ZNF638: variants seen among roughly 807,000 people sequenced by gnomAD.
The protein encoded by ZNF638 is zinc finger protein 638.
In ZNF638, 46 loss-of-function variants were observed where a neutral mutation model predicts 195.6. That is an observed-to-expected ratio of 0.24 (90% CI 0.19 to 0.30). The LOEUF (loss-of-function observed/expected upper bound fraction) is 0.30. Ranked by LOEUF, ZNF638 falls within the 10% of genes least tolerant of loss-of-function variation. The pLI is 1.00. For missense variants in ZNF638, 2,440 were observed against 2,325.3 expected, an observed-to-expected ratio of 1.05 and a Z score of -1.01; for synonymous variants, 845 against 772.0, an observed-to-expected ratio of 1.09 and a Z score of -1.57.
chr2:71,399,407 A>T, intron 12 of ZNF638, 152 bp from the exon 13 acceptor site: 1 of 598,396 alleles, frequency 1.7e-6, no homozygotes, highest in East Asian at 3.0e-5. Flanking sequence ...TCTTACTGGG[A>T]AAGAGGTACT....
In ZNF638 at chr2:71,364,133, A is replaced by ACAGATC. The variant is rs770051414; in HGVS notation, c.1612_1617dup (p.Arg540_Ser541dup). ...ATTTGCCATCGTTTCATTTCTAGAT[A>ACAGATC]CAGATCCAGATCCAGATCCCGTTCA... On this transcript the variant is annotated inframe_insertion, in exon 5 of 28. Transcript: ENST00000264447. 5 of 1,614,160 alleles carry ACAGATC rather than the reference A, an allele frequency of 3.1e-6. No individual in the cohort carries two copies. In the African/African-American group the frequency reaches 5.3e-5, roughly 17 times the overall value.
chr2:71,339,834 C>G (rs1372216692), intron 1 of ZNF638, among the ~76,000 whole-genome samples: 4 of 152,146 alleles, frequency 2.6e-5, no homozygotes, highest in African/African-American at 7.2e-5. Context: ...TTGGGCTAAC[C>G]TGTTACACTT....
chr2:71,351,353 C>T (rs1039854767), intron 2 of ZNF638, among the ~76,000 whole-genome samples: 8 of 152,182 alleles, frequency 5.3e-5, no homozygotes. Flanking sequence ...AAGAAAGCAG[C>T]ATTCTACCCC....
chr2:71,426,670 T>C lies in ZNF638; in HGVS notation c.4801T>C (p.Leu1601=), dbSNP rs753519428. 48 of 1,614,078 alleles carry C rather than the reference T, an allele frequency of 3.0e-5. No individual in the cohort carries two copies. In the South Asian group the frequency reaches 3.5e-4, roughly 12 times the overall value. The change falls in exon 24 of 28, where the codon TTG becomes CTG. Residue 1601 remains leucine, a synonymous_variant. Transcript: ENST00000264447. ...TGAGGGAGAACTATCTTTTGTGACA[T>C]TGGATGAGATTGGGGAAGAGGAAGA... ...GVEGELSFVT[L]DEIGEEEDAA... is the part of the protein sequence containing the mutation.
chr2:71,399,576 A>G lies in ZNF638; in HGVS notation c.2518A>G (p.Lys840Glu), dbSNP rs141594305. The G allele has an allele frequency of 5.6e-6, 9 of 1,612,294 alleles. No individual in the cohort carries two copies. In the African/African-American group the frequency reaches 9.4e-5, roughly 17 times the overall value. The change falls in exon 13 of 28, where the codon AAG (lysine) becomes GAG (glutamate). Residue 840 changes from lysine to glutamate, a missense_variant. Transcript: ENST00000264447. ...SIKTAKSGGK[K>E]SLEAKKTGNV... ...TTTACAAGCAAAATCTGGTGGAAAG[A>G]AGTCTCTAGAAGCCAAAAAGACTGG...
Position 71,423,808 on chromosome 2 carries a change from C to G in ZNF638, c.4294C>G (p.Leu1432Val), listed in dbSNP as rs2080479442. 8 of 1,613,914 alleles carry G rather than the reference C, an allele frequency of 5.0e-6. No individual in the cohort carries two copies. The highest frequency in any genetic ancestry group is 5.9e-6 in the Non-Finnish European group (7 of 1,180,012). The change falls in exon 22 of 28, where the codon CTT becomes GTT. Residue 1432 changes from leucine (L) to valine (V), a missense_variant. By Grantham distance (32) the Leu-to-Val change is conservative. This residue lies in a region of ZNF638 where 1,883 missense variants were observed against 1,739.1 expected (regional missense o/e 1.08). Transcript: ENST00000264447. ...AGATCAAATAAATGCTGAAAAGAAACTTTCAGCCAAGGAATTTGGTCTGCT... is the reference window on the plus strand; with the variant it reads ...AGATCAAATAAATGCTGAAAAGAAAGTTTCAGCCAAGGAATTTGGTCTGCT... ...PRDQINAEKK[L>V]SAKEFGLLKP... is the part of the protein sequence containing the mutation.
At position 71,355,700 on chromosome 2, in the gene ZNF638, T is replaced by C; in HGVS notation, c.1318-19T>C. The C allele has an allele frequency of 6.5e-7, 1 of 1,538,934 alleles. No individual in the cohort carries two copies. The highest frequency in any genetic ancestry group is 8.9e-7 in the Non-Finnish European group (1 of 1,129,518). On this transcript the variant is annotated intron_variant, in intron 2 of 27. Transcript: ENST00000264447. ...ATGAGGAATATTCTAATTTCAACAC[T>C]TTTCTCCTTTTACAATAGGATTGGA...
intron 10 of ZNF638, among the ~76,000 whole-genome samples, chr2:71,392,623 G>T (rs1204894029): frequency 2.0e-5 from 3 of 152,054 alleles, no homozygotes; most frequent in African/African-American, 7.2e-5. Context: ...ACTGGCTTAT[G>T]GCAGTGATCA....
At chr2:71,333,018 G>C (rs903488143) in intron 1 of ZNF638, 1 of 152,100 alleles carries the variant, frequency 6.6e-6, no homozygotes, top group African/African-American at 2.4e-5. Context: ...TGTTGTGCTT[G>C]CTGGTTCAGA....
intron 13 of ZNF638, 81 bp from the exon 14 acceptor site, chr2:71,400,031 T>C (rs1017401685): frequency 8.5e-7 from 1 of 1,182,406 alleles, no homozygotes; most frequent in African/African-American, 1.6e-5. Flanking sequence ...AATGTCAAAC[T>C]AGCTTAAGTT....
intron 21 of ZNF638, 139 bp downstream of exon 21, chr2:71,418,778 C>A (rs2080358765): frequency 9.7e-6 from 5 of 514,298 alleles, no homozygotes; most frequent in Non-Finnish European, 1.6e-5. Context: ...GGGCTTGTTA[C>A]AGTTTTCTTT....
chr2:71,404,103 A>C, intron 17 of ZNF638, 105 bp downstream of exon 17: 45 of 1,170,828 alleles, frequency 3.8e-5, no homozygotes, highest in Non-Finnish European at 5.1e-5. Context: ...CATTTTTCTC[A>C]CAGACACTGA....
intron 6 of ZNF638, among the ~76,000 whole-genome samples, 189 bp from the exon 7 acceptor site, chr2:71,368,193 A>G (rs1234423319): frequency 6.6e-6 from 1 of 152,208 alleles, no homozygotes; most frequent in East Asian, 1.9e-4. Flanking sequence ...AAATCTTATT[A>G]AAGTGTTAAA....
intron 10 of ZNF638, among the ~76,000 whole-genome samples, chr2:71,385,495 G>T (rs2079618800): frequency 6.6e-6 from 1 of 152,074 alleles, no homozygotes; most frequent in African/African-American, 2.4e-5. Flanking sequence ...TGATAGTCAG[G>T]GTTGGTGGGA....
At chr2:71,355,802 A>T (rs201924518) in intron 3 of ZNF638, 22 bp downstream of exon 3, 9 of 1,446,228 alleles carry the variant, frequency 6.2e-6, no homozygotes, top group Non-Finnish European at 8.6e-6. Context: ...TTTTTCCTTT[A>T]TTATAGATAG....
intron 7 of ZNF638, among the ~76,000 whole-genome samples, chr2:71,369,485 A>G (rs2079269385): frequency 6.6e-6 from 1 of 152,066 alleles, no homozygotes; most frequent in South Asian, 2.1e-4. Flanking sequence ...ATTTTTTTAA[A>G]AAGTTTGTGA....
chr2:71,387,267 T>C (rs2079660486), intron 10 of ZNF638, among the ~76,000 whole-genome samples: 1 of 152,210 alleles, frequency 6.6e-6, no homozygotes, highest in Admixed American at 6.5e-5. Flanking sequence ...CCAGAGATAT[T>C]TCCCAAAACA....
intron 27 of ZNF638, chr2:71,433,566 G>C (rs142432698): frequency 4.8e-4 from 130 of 273,464 alleles, no homozygotes; most frequent in African/African-American, 1.5e-3. Flanking sequence ...ATGCCCTCTT[G>C]TCATGTAGAC....
chr2:71,361,906 T>C (rs2079116051), intron 3 of ZNF638, among the ~76,000 whole-genome samples: 1 of 152,322 alleles, frequency 6.6e-6, no homozygotes, highest in African/African-American at 2.4e-5. Flanking sequence ...CTGAGGCAAA[T>C]AGCAACCAAG....
Sources: gnomAD v4.1 joint callset for allele counts (sites outside exome capture counted in the v4.1 genomes callset) on GRCh38, gnomAD v4.1.1 for gene constraint, gnomAD v4.1.1 regional missense constraint, MANE v1.5 for transcripts, NCBI Gene and HGNC (gene_info 2026-07-23, HGNC 2026-07-21) for gene names.